PCYT1B: variants seen among roughly 807,000 people sequenced by gnomAD.
The protein encoded by PCYT1B is choline-phosphate cytidylyltransferase B.
In PCYT1B, 10 loss-of-function variants were observed where a neutral mutation model predicts 26.4. The ratio of observed to expected loss-of-function variants is 0.38; its 90% confidence interval spans 0.23 to 0.64. PCYT1B has a LOEUF of 0.64. Among genes scored for constraint, PCYT1B ranks in the 30% least tolerant of loss-of-function variants. The pLI, the probability that PCYT1B is intolerant of heterozygous loss-of-function variation, is 0.56. For synonymous variants in PCYT1B, 131 were observed against 108.4 expected, an observed-to-expected ratio of 1.21 and a Z score of -1.29; for missense variants, 161 against 292.7, an observed-to-expected ratio of 0.55 and a Z score of 3.28.
intron 7 of PCYT1B, among the ~76,000 whole-genome samples, chrX:24,563,322 C>T (rs1418313673): frequency 2.7e-5 from 3 of 111,720 alleles, no homozygotes; most frequent in Non-Finnish European, 5.6e-5. Flanking sequence ...GAAGGCCCCA[C>T]TGAGAAAACG....
intron 3 of PCYT1B, among the ~76,000 whole-genome samples, chrX:24,607,116 C>T (rs1925163744): frequency 8.9e-6 from 1 of 111,963 alleles, no homozygotes; most frequent in Admixed American, 9.5e-5. Context: ...AATAGGCCTC[C>T]TGGAGGAGGA....
At chrX:24,620,200 C>T (rs897610698) in intron 1 of PCYT1B, among the ~76,000 whole-genome samples, 2 of 112,222 alleles carry the variant, frequency 1.8e-5, no homozygotes, top group African/African-American at 6.5e-5. Context: ...TTTATTTATC[C>T]ATTCACTCAC....
chrX:24,650,545 C>T (rs1457277107), upstream of PCYT1B, among the ~76,000 whole-genome samples: 1 of 111,289 alleles, frequency 9.0e-6, no homozygotes, highest in Non-Finnish European at 1.9e-5. Context: ...TGGTCTGGAA[C>T]TTCTGGCCTC....
rs1923418313 is a variant in PCYT1B, at chrX:24,561,603, T to G, written c.*690A>C. 1.8e-5 allele frequency: 2 copies of G among 114,062 alleles called. No individual in the cohort carries two copies. Among genetic ancestry groups the G allele is most frequent in the Admixed American group, 9.4e-5 (1 of 10,659 alleles). The allele number at this position is 114,062 out of a possible 1,213,427, so 9.4% of individuals were successfully genotyped here. A position where few individuals can be genotyped will look rare whatever the true frequency, so the allele number is the denominator to read the frequency against. On this transcript the variant is annotated 3_prime_UTR_variant, in exon 8 of 8. Coordinates refer to ENST00000379144, the MANE Select transcript of PCYT1B (RefSeq NM_004845.5). ...TGAAGTCAAACCAGTGATGAGAAAGTACAACCAGGAGCACATCAGGCCTTA... is the reference window on the plus strand; with the variant it reads ...TGAAGTCAAACCAGTGATGAGAAAGGACAACCAGGAGCACATCAGGCCTTA...
chrX:24,614,472 G>C (rs751283429), intron 2 of PCYT1B, among the ~76,000 whole-genome samples: 1 of 112,277 alleles, frequency 8.9e-6, no homozygotes, highest in South Asian at 3.7e-4. Context: ...GAGATGGGCA[G>C]ATCACTTGAG....
intron 5 of PCYT1B, among the ~76,000 whole-genome samples, chrX:24,581,840 T>C (rs1924216243): frequency 8.9e-6 from 1 of 112,591 alleles, no homozygotes; most frequent in African/African-American, 3.2e-5. Context: ...TGAGGGTGTC[T>C]CTTTGGAGCT....
At position 24,561,789 on chromosome X, in the gene PCYT1B, G is replaced by A. The variant is rs2148215510; in HGVS notation, c.*504C>T. 1.2e-5 allele frequency: 4 copies of A among 332,961 alleles called. No individual in the cohort carries two copies. The Admixed American group carries it at 1.9e-4, about 16-fold the overall frequency. 27.4% of individuals were successfully genotyped at this position (332,961 alleles called of 1,213,427 possible). On this transcript the variant is annotated 3_prime_UTR_variant, in exon 8 of 8. Coordinates refer to ENST00000379144, the MANE Select transcript of PCYT1B (RefSeq NM_004845.5). ...CATCAGGTCTCAGTGGCTGGACTGA[G>A]GAGGTTGGAATCTGTCTTTTTCTCG...
In PCYT1B at chrX:24,660,678, C is replaced by CAAAA. The variant is rs35663098; in HGVS notation, c.63+11888_63+11891dup. Among the ~76,000 whole-genome samples, 313 of 63,879 alleles carry CAAAA rather than the reference C, an allele frequency of 4.9e-3. 3 individuals carry two copies. The highest frequency in any genetic ancestry group is 0.018 in the African/African-American group (298 of 16,148). The allele number at this position is 63,879 out of a possible 115,157, so 55.5% of individuals were successfully genotyped here. ...GGGCAACAGGGGCAAAACTCTATCT[C>CAAAA]AAAAAAAAAAAAAAAAAAGAGGAAA... On this transcript the variant is annotated intron_variant, in intron 1 of 7. Transcript: ENST00000379145.
At chrX:24,601,494 A>G (rs1199139108) in intron 3 of PCYT1B, among the ~76,000 whole-genome samples, 3 of 87,287 alleles carry the variant, frequency 3.4e-5, no homozygotes, top group Admixed American at 1.3e-4. Context: ...CTCTTTCTCG[A>G]AAAAAAAAAA....
intron 1 of PCYT1B, among the ~76,000 whole-genome samples, chrX:24,660,945 A>C (rs1012567385): frequency 8.9e-6 from 1 of 111,937 alleles, no homozygotes; most frequent in Non-Finnish European, 1.9e-5. Context: ...TCTCTAGCAC[A>C]TATGGTACTA....
chrX:24,603,543 C>A (rs1005434972), intron 3 of PCYT1B, among the ~76,000 whole-genome samples: 19 of 111,176 alleles, frequency 1.7e-4, no homozygotes, highest in African/African-American at 5.9e-4. Flanking sequence ...ATAGTGAAAT[C>A]CCATCTCTAC....
At chrX:24,648,952 T>G (rs1178060384), upstream of PCYT1B, among the ~76,000 whole-genome samples, 1 of 111,808 alleles carries the variant, frequency 8.9e-6, no homozygotes, top group Non-Finnish European at 1.9e-5. Flanking sequence ...TACTCCTCAA[T>G]AAGCAAAGAG....
intron 1 of PCYT1B, among the ~76,000 whole-genome samples, chrX:24,643,182 C>T (rs1371874676): frequency 9.0e-6 from 1 of 111,295 alleles, no homozygotes; most frequent in Admixed American, 9.7e-5. Context: ...GCTTCTGGGA[C>T]ACCTGCTGAG....
intron 3 of PCYT1B, among the ~76,000 whole-genome samples, chrX:24,599,810 G>A (rs1458907716): frequency 8.9e-6 from 1 of 112,133 alleles, no homozygotes; most frequent in East Asian, 2.8e-4. Flanking sequence ...TATATGTTTT[G>A]TAAATTGTTG....
upstream of PCYT1B, among the ~76,000 whole-genome samples, chrX:24,672,869 C>CTG (rs1296284002): frequency 3.6e-5 from 4 of 111,998 alleles, no homozygotes; most frequent in Non-Finnish European, 7.5e-5. Context: ...CCCCTCTGGG[C>CTG]TGTTGTTCAT....
intron 4 of PCYT1B, among the ~76,000 whole-genome samples, chrX:24,589,083 A>G (rs1924467835): frequency 9.0e-6 from 1 of 111,491 alleles, no homozygotes; most frequent in South Asian, 3.8e-4. Context: ...CATTATCATT[A>G]TAAGTATCCC....
At chrX:24,563,554 A>C (rs760100347) in intron 7 of PCYT1B, among the ~76,000 whole-genome samples, 37 of 111,682 alleles carry the variant, frequency 3.3e-4, no homozygotes, top group Non-Finnish European at 1.1e-4. Flanking sequence ...GGGCTGTGCC[A>C]TGGAGGGCCT....
intron 1 of PCYT1B, among the ~76,000 whole-genome samples, chrX:24,634,972 A>G (rs923124918): frequency 9.8e-5 from 11 of 112,100 alleles, no homozygotes; most frequent in African/African-American, 3.6e-4. Flanking sequence ...AGACCATTAG[A>G]AATATCTGCT....
At position 24,560,736 on chromosome X, in the gene PCYT1B, G is replaced by T. The variant is rs1469438484; in HGVS notation, c.*1557C>A. The T allele has an allele frequency of 8.9e-6, 1 of 112,064 alleles. No homozygotes were observed. Among genetic ancestry groups the T allele is most frequent in the Non-Finnish European group, 1.9e-5 (1 of 53,170 alleles). 9.2% of individuals were successfully genotyped at this position (112,064 alleles called of 1,213,427 possible). On this transcript the variant is annotated 3_prime_UTR_variant, in exon 8 of 8. Coordinates refer to ENST00000379144, the MANE Select transcript of PCYT1B (RefSeq NM_004845.5). ...GGCTGGTTCCCAAGGCCTCTGAAAA[G>T]GGGTATTTCTATCACAAGAGATTCT...
Sources: gnomAD v4.1 joint callset for allele counts (sites outside exome capture counted in the v4.1 genomes callset) on GRCh38, gnomAD v4.1.1 for gene constraint, MANE v1.5 for transcripts, NCBI Gene and HGNC (gene_info 2026-07-23, HGNC 2026-07-21) for gene names.